SOX5: variants seen among roughly 807,000 people sequenced by gnomAD.
SOX5 encodes the protein SRY-box transcription factor 5.
A neutral mutation model predicts 92.0 loss-of-function variants in SOX5; 9 were observed. The observed-to-expected ratio is 0.10, with a 90% CI of 0.06 to 0.17. The LOEUF (loss-of-function observed/expected upper bound fraction) is 0.17, where lower values mean the gene tolerates loss of function less well. Among genes scored for constraint, SOX5 ranks in the 10% least tolerant of loss-of-function variants. The probability of loss-of-function intolerance (pLI) is 1.00; values close to 1 mark genes in which losing one functional copy is unlikely to be tolerated. For missense variants in SOX5, 642 were observed against 944.5 expected (o/e 0.68, Z 4.20); for synonymous variants, 344 against 336.3 (o/e 1.02, Z -0.25).
chr12:24,028,220 T>C (rs1048643011), intron 4 of SOX5, among the ~76,000 whole-genome samples: 1 of 151,956 alleles, frequency 6.6e-6, no homozygotes, highest in Admixed American at 6.6e-5. Flanking sequence ...AAGGTGACCA[T>C]ACTGTCTTCT....
At chr12:24,336,012 T>C (rs1443329241) in intron 2 of SOX5, among the ~76,000 whole-genome samples, 1 of 133,240 alleles carries the variant, frequency 7.5e-6, no homozygotes, top group Non-Finnish European at 1.7e-5. Flanking sequence ...TTTTTCTTGT[T>C]GGTAACATGC....
chr12:24,120,985 C>T (rs944971039), intron 4 of SOX5, among the ~76,000 whole-genome samples: 1 of 152,148 alleles, frequency 6.6e-6, no homozygotes, highest in African/African-American at 2.4e-5. Context: ...TCCTTACTCC[C>T]TCATTATCCC....
chr12:23,905,792 A>T (rs1185283989), intron 1 of SOX5, among the ~76,000 whole-genome samples: 1 of 152,174 alleles, frequency 6.6e-6, no homozygotes, highest in African/African-American at 2.4e-5. Flanking sequence ...TTTTGAAAAA[A>T]ATTATCAATA....
At chr12:23,783,981 AC>A (rs2095332230) in intron 3 of SOX5, among the ~76,000 whole-genome samples, 1 of 152,226 alleles carries the variant, frequency 6.6e-6, no homozygotes, top group Non-Finnish European at 1.5e-5. Context: ...CATTTGTGAC[AC>A]CGTTATTCTA....
intron 4 of SOX5, among the ~76,000 whole-genome samples, chr12:24,179,297 T>C (rs1955193809): frequency 6.6e-6 from 1 of 152,212 alleles, no homozygotes; most frequent in African/African-American, 2.4e-5. Context: ...TGACATTTCA[T>C]TGCACACAGA....
At chr12:23,864,863 A>C (rs532258839) in intron 2 of SOX5, among the ~76,000 whole-genome samples, 2 of 152,348 alleles carry the variant, frequency 1.3e-5, no homozygotes, top group East Asian at 3.9e-4. Flanking sequence ...GAAACTGGCT[A>C]TACAAAAACA....
intron 2 of SOX5, among the ~76,000 whole-genome samples, chr12:24,337,355 AAGAG>A (rs1054583607): frequency 2.8e-5 from 3 of 107,716 alleles, no homozygotes; most frequent in Non-Finnish European, 5.7e-5. Context: ...TTTTTTTTTT[AAGAG>A]AGAGAGAGTT....
At chr12:23,882,646 G>C (rs77686972) in intron 2 of SOX5, among the ~76,000 whole-genome samples, 1 of 152,084 alleles carries the variant, frequency 6.6e-6, no homozygotes, top group Non-Finnish European at 1.5e-5. Context: ...TTACAAGCGC[G>C]ATGGAAAAGG....
chr12:23,568,167 C>A (rs1410258843), intron 10 of SOX5, among the ~76,000 whole-genome samples: 2 of 152,158 alleles, frequency 1.3e-5, no homozygotes, highest in East Asian at 1.9e-4. Context: ...AGATTTGACC[C>A]ATAGAAATAG....
At chr12:24,062,103 T>G (rs1180605969) in intron 4 of SOX5, among the ~76,000 whole-genome samples, 1 of 152,172 alleles carries the variant, frequency 6.6e-6, no homozygotes, top group African/African-American at 2.4e-5. Flanking sequence ...TGTAGGCTCA[T>G]AGGCTTAAGA....
chr12:23,586,190 C>G lies in SOX5; in HGVS notation c.1165-10352G>C, dbSNP rs376372488. Among the ~76,000 whole-genome samples, 5 of 152,070 alleles carry G rather than the reference C, an allele frequency of 3.3e-5. No homozygotes were observed. In the East Asian group the frequency reaches 9.6e-4, roughly 29 times the overall value. On this transcript the variant is annotated intron_variant, in intron 9 of 14. Transcript: ENST00000451604. The stretch of plus-strand genomic sequence containing the variant: ...CCCCTTAGCACAAGATCACGAACCT[C>G]GAGTAAGACAACAAGGCCACTTAAT...
intron 1 of SOX5, among the ~76,000 whole-genome samples, chr12:24,535,877 A>C (rs1487421351): frequency 6.6e-6 from 1 of 152,016 alleles, no homozygotes; most frequent in African/African-American, 2.4e-5. Context: ...AGCGGCTGAC[A>C]ATTGCTTCCC....
intron 8 of SOX5, among the ~76,000 whole-genome samples, chr12:23,631,537 C>A (rs2078539988): frequency 2.0e-5 from 3 of 151,962 alleles, no homozygotes; most frequent in African/African-American, 7.2e-5. Flanking sequence ...GACAGCAGTT[C>A]TTTTATGTAT....
chr12:24,325,621 T>C (rs534041119), intron 2 of SOX5, among the ~76,000 whole-genome samples: 46 of 152,330 alleles, frequency 3.0e-4, no homozygotes, highest in African/African-American at 1.0e-3. Context: ...AACTTTATTC[T>C]GTGTCTACAG....
rs546642678 is a variant in SOX5, at chr12:23,864,821, G to C, written c.271-18628C>G. ...TGCAGATATATAGAAGCTGCAGCAA[G>C]TCATCCAGAAGACCTAGCTAAGATA... On this transcript the variant is annotated intron_variant, in intron 2 of 14. Transcript: ENST00000451604. Among the ~76,000 whole-genome samples, 12 of 152,324 alleles carry C rather than the reference G, an allele frequency of 7.9e-5. No individual in the cohort carries two copies. In the South Asian group the frequency reaches 2.3e-3, roughly 29 times the overall value.
At chr12:24,101,254 T>C (rs1427941629) in intron 4 of SOX5, among the ~76,000 whole-genome samples, 2 of 152,264 alleles carry the variant, frequency 1.3e-5, no homozygotes, top group African/African-American at 4.8e-5. Context: ...CCAGCCATAC[T>C]AGCTTCCTTC....
chr12:23,834,914 A>G (rs941472026), intron 3 of SOX5, among the ~76,000 whole-genome samples: 3 of 151,970 alleles, frequency 2.0e-5, no homozygotes, highest in Non-Finnish European at 4.4e-5. Context: ...ATGAATATAG[A>G]AAGATTAAAA....
At chr12:23,675,136 G>A (rs1307944076) in intron 6 of SOX5, among the ~76,000 whole-genome samples, 2 of 152,144 alleles carry the variant, frequency 1.3e-5, no homozygotes, top group Non-Finnish European at 2.9e-5. Context: ...AAAGTCTCTT[G>A]AAATCATTCC....
chr12:24,371,535 T>C (rs2136266377), intron 1 of SOX5, among the ~76,000 whole-genome samples: 2 of 152,360 alleles, frequency 1.3e-5, no homozygotes, highest in Middle Eastern at 3.4e-3. Context: ...CTGCAAGTCT[T>C]ATATCAACTT....
Sources: allele counts gnomAD v4.1 joint callset (sites outside exome capture counted in the v4.1 genomes callset), GRCh38; gene constraint gnomAD v4.1.1; transcripts MANE v1.5; gene names NCBI Gene and HGNC (gene_info 2026-07-23, HGNC 2026-07-21).